The following PHLDB2 variants were observed in gnomAD, a reference collection of about 807,000 sequenced individuals.
PHLDB2 encodes the protein pleckstrin homology like domain family B member 2.
PHLDB2 carries 71 observed loss-of-function variants against 123.6 expected under a neutral mutation model. The ratio of observed to expected loss-of-function variants is 0.57; its 90% confidence interval spans 0.47 to 0.70. The LOEUF is 0.70. Ranked by LOEUF, PHLDB2 falls within the 30% of genes least tolerant of loss-of-function variation. The pLI is 0.00. For missense variants in PHLDB2, 1,446 were observed against 1,519.5 expected, an observed-to-expected ratio of 0.95 and a Z score of 0.80; for synonymous variants, 547 against 541.6, an observed-to-expected ratio of 1.01 and a Z score of -0.14.
intron 2 of PHLDB2, among the ~76,000 whole-genome samples, chr3:111,902,725 G>A (rs949274516): frequency 1.3e-4 from 20 of 151,946 alleles, no homozygotes; most frequent in Non-Finnish European, 5.9e-5. Flanking sequence ...TGCAACCTCC[G>A]CCTCCCCAGC....
intron 1 of PHLDB2, among the ~76,000 whole-genome samples, chr3:111,764,616 A>G (rs564645105): frequency 1.3e-5 from 2 of 152,314 alleles, no homozygotes; most frequent in South Asian, 2.1e-4. Context: ...TCAAGTTTCA[A>G]TTTTCAGATT....
intron 1 of PHLDB2, among the ~76,000 whole-genome samples, chr3:111,868,375 A>G (rs1265004769): frequency 2.0e-5 from 3 of 152,050 alleles, no homozygotes; most frequent in Non-Finnish European, 4.4e-5. Flanking sequence ...AACCATGTCC[A>G]CACATTGCAT....
intron 1 of PHLDB2, among the ~76,000 whole-genome samples, chr3:111,738,213 G>A: frequency 6.6e-6 from 1 of 151,982 alleles, no homozygotes; most frequent in Non-Finnish European, 1.5e-5. Context: ...GCTTTTCTTT[G>A]CAAAATGAAA....
In PHLDB2 at chr3:111,884,308, C is replaced by T. The variant is rs1414762909; in HGVS notation, c.231C>T (p.Thr77=). 1 of 1,614,056 alleles carries T rather than the reference C, an allele frequency of 6.2e-7. No homozygotes were observed. The highest frequency in any genetic ancestry group is 8.5e-7 in the Non-Finnish European group (1 of 1,180,040). Residue 77 remains threonine (T), a synonymous_variant, in exon 2 of 18, where the codon ACC becomes ACT. Transcript: ENST00000431670. ...PAKRSPSPLG[T]SVRSSPSLAK... ...AGAGAAGCCCTTCTCCTTTGGGAAC[C>T]AGTGTCAGAAGCAGCCCCTCCTTAG...
intron 1 of PHLDB2, among the ~76,000 whole-genome samples, chr3:111,824,905 T>A (rs2062580947): frequency 6.6e-6 from 1 of 152,182 alleles, no homozygotes; most frequent in Admixed American, 6.5e-5. Context: ...TCTGCCTGAG[T>A]GTTCTTGAAA....
intron 2 of PHLDB2, among the ~76,000 whole-genome samples, chr3:111,900,616 A>G (rs1204638334): frequency 6.6e-6 from 1 of 152,230 alleles, no homozygotes; most frequent in Non-Finnish European, 1.5e-5. Flanking sequence ...AGTAATGTCA[A>G]AGATCACTGA....
rs552859799 is a variant in PHLDB2, at chr3:111,893,305, C to G, written c.1335+7893C>G. Among the ~76,000 whole-genome samples the G allele has an allele frequency of 2.2e-4, 34 of 151,862 alleles. 1 individual carries two copies. The South Asian group carries it at 6.9e-3, about 31-fold the overall frequency. ...TAAGTATTGAAAACTATTTTGTCCT[C>G]CAGTCTTACTTGAATCTCCTTCCTG... On this transcript the variant is annotated intron_variant, in intron 2 of 17. Transcript: ENST00000431670.
intron 15 of PHLDB2, 53 bp downstream of exon 15, chr3:111,967,877 C>T: frequency 6.8e-7 from 1 of 1,477,948 alleles, no homozygotes; most frequent in South Asian, 1.3e-5. Context: ...GGTGGCAGTT[C>T]CTAGAAGACA....
At chr3:111,864,753 T>C (rs1451919323) in intron 1 of PHLDB2, among the ~76,000 whole-genome samples, 1 of 152,216 alleles carries the variant, frequency 6.6e-6, no homozygotes, top group Non-Finnish European at 1.5e-5. Context: ...GTGTGTTAGG[T>C]TGATTTTATT....
intron 1 of PHLDB2, among the ~76,000 whole-genome samples, chr3:111,817,099 A>G (rs1026811003): frequency 6.6e-6 from 1 of 152,204 alleles, no homozygotes; most frequent in Non-Finnish European, 1.5e-5. Context: ...TAAGTCCAAT[A>G]AACCTATTTC....
chr3:111,877,032 G>A (rs1256600761), intron 1 of PHLDB2, among the ~76,000 whole-genome samples: 1 of 152,108 alleles, frequency 6.6e-6, no homozygotes, highest in Non-Finnish European at 1.5e-5. Flanking sequence ...ATAAACATAC[G>A]CTTGCATGTG....
intron 2 of PHLDB2, among the ~76,000 whole-genome samples, chr3:111,890,711 T>C (rs2066429519): frequency 6.6e-6 from 1 of 152,224 alleles, no homozygotes; most frequent in African/African-American, 2.4e-5. Flanking sequence ...GTAGTTTTAT[T>C]GAGTATTAAA....
chr3:111,816,937 T>C (rs1232934918), intron 1 of PHLDB2, among the ~76,000 whole-genome samples: 1 of 152,198 alleles, frequency 6.6e-6, no homozygotes, highest in Non-Finnish European at 1.5e-5. Flanking sequence ...TGATAATGAA[T>C]GAGTCTCACA....
At chr3:111,945,720 C>G (rs1175998248) in intron 9 of PHLDB2, among the ~76,000 whole-genome samples, 1 of 152,094 alleles carries the variant, frequency 6.6e-6, no homozygotes, top group East Asian at 1.9e-4. Context: ...TCCCTCCCCT[C>G]TCTTATTTTG....
chr3:111,945,403 G>A (rs368192433), intron 9 of PHLDB2, 46 bp downstream of exon 9: 2 of 1,373,368 alleles, frequency 1.5e-6, no homozygotes, highest in Non-Finnish European at 2.1e-6. Context: ...TTAGAAATCA[G>A]GAGATGTATT....
chr3:111,868,166 T>C (rs983994543), intron 1 of PHLDB2, among the ~76,000 whole-genome samples: 2 of 152,148 alleles, frequency 1.3e-5, no homozygotes, highest in East Asian at 3.9e-4. Flanking sequence ...AATACAGGCA[T>C]GCACCACCAT....
At chr3:111,759,386 G>C (rs1159702755) in intron 1 of PHLDB2, among the ~76,000 whole-genome samples, 1 of 152,144 alleles carries the variant, frequency 6.6e-6, no homozygotes, top group East Asian at 1.9e-4. Context: ...CTATTCATGA[G>C]AGTTTCAGCC....
intron 2 of PHLDB2, chr3:111,911,687 T>A (rs752584675): frequency 4.9e-5 from 76 of 1,536,136 alleles, no homozygotes; most frequent in Middle Eastern, 3.3e-4. Flanking sequence ...AGGACGGAGC[T>A]GCAGCTGGAG....
At chr3:111,874,734 C>T (rs12330320) in intron 1 of PHLDB2, among the ~76,000 whole-genome samples, 17,988 of 152,106 alleles carry the variant, frequency 0.12, 1,184 homozygotes, top group East Asian at 0.16. Flanking sequence ...TCACTATGTT[C>T]CTGAAAGGAG....
Sources: gnomAD v4.1 joint callset for allele counts (sites outside exome capture counted in the v4.1 genomes callset) on GRCh38, gnomAD v4.1.1 for gene constraint, MANE v1.5 for transcripts, NCBI Gene and HGNC (gene_info 2026-07-23, HGNC 2026-07-21) for gene names.